Variants in MPC2 observed in about 807,000 individuals in gnomAD.
MPC2 encodes the protein brain protein 44.
Under a neutral mutation model 19.2 loss-of-function variants are expected in MPC2, and 19 were observed. The observed-to-expected ratio is 0.99, with a 90% CI of 0.69 to 1.45. The LOEUF is 1.45. Among genes scored for constraint, MPC2 ranks in the 40% most tolerant of loss-of-function variants. The pLI is 0.00. For synonymous variants in MPC2, 61 were observed against 54.3 expected, an observed-to-expected ratio of 1.12 and a Z score of -0.54; for missense variants, 122 against 153.0, an observed-to-expected ratio of 0.80 and a Z score of 1.07.
At position 167,920,625 on chromosome 1, in the gene MPC2, C is replaced by T; in HGVS notation, c.157G>A (p.Val53Met). The T allele has an allele frequency of 2.5e-6, 4 of 1,613,422 alleles. No homozygotes were observed. Among genetic ancestry groups the T allele is most frequent in the Non-Finnish European group, 3.4e-6 (4 of 1,179,690 alleles). ...FWAPIMKWGL[V>M]CAGLADMARP... ...GCCATATCAGCCAATCCAGCACACA[C>T]CAACCCCTACACATTAACGCATAGA... Residue 53 changes from valine (V) to methionine (M), a missense_variant, in exon 4 of 6, where the codon GTG becomes ATG. Physicochemically the swap from Val to Met is conservative, Grantham distance 21. Transcript: ENST00000271373.
chr1:167,924,723 A>G (rs1372313886), intron 2 of MPC2, among the ~76,000 whole-genome samples, 186 bp from the exon 3 acceptor site: 1 of 152,198 alleles, frequency 6.6e-6, no homozygotes, highest in Non-Finnish European at 1.5e-5. Flanking sequence ...ATCACAGTAC[A>G]GTTGACCCTT....
chr1:167,921,497 C>G (rs751154582), intron 3 of MPC2, among the ~76,000 whole-genome samples: 1 of 152,198 alleles, frequency 6.6e-6, no homozygotes, highest in Non-Finnish European at 1.5e-5. Flanking sequence ...GCTGGGATTA[C>G]AGGTGTGAGC....
At chr1:167,936,217 G>T in intron 1 of MPC2, 1 of 246,258 alleles carries the variant, frequency 4.1e-6, no homozygotes, top group Non-Finnish European at 8.0e-6. Context: ...GGCGCGGGCG[G>T]GGTCGAGCGG....
intron 4 of MPC2, 38 bp from the exon 5 acceptor site, chr1:167,920,128 C>T (rs1302249642): frequency 3.1e-6 from 4 of 1,300,248 alleles, no homozygotes; most frequent in African/African-American, 2.9e-5. Flanking sequence ...AGAATACATA[C>T]TGCTTCAATA....
chr1:167,919,130 T>C (rs1198687299), intron 5 of MPC2, among the ~76,000 whole-genome samples: 1 of 152,106 alleles, frequency 6.6e-6, no homozygotes, highest in East Asian at 1.9e-4. Context: ...TAAAGTAAAA[T>C]ATACTTCTAA....
intron 2 of MPC2, among the ~76,000 whole-genome samples, chr1:167,927,861 G>C (rs777406370): frequency 2.0e-5 from 3 of 152,158 alleles, no homozygotes; most frequent in Non-Finnish European, 4.4e-5. Flanking sequence ...TTTAGTGAGT[G>C]AATAATTTTA....
chr1:167,925,442 CAT>C (rs369657697), intron 2 of MPC2, among the ~76,000 whole-genome samples: 6,860 of 82,406 alleles, frequency 0.083, 275 homozygotes, highest in South Asian at 0.11. Flanking sequence ...TACATATACA[CAT>C]ATATATATAT....
At chr1:167,936,273 G>A (rs962556135) in intron 1 of MPC2, 1 of 207,520 alleles carries the variant, frequency 4.8e-6, no homozygotes. Context: ...GTTGGAGAAG[G>A]GAAAGTGAAG....
At chr1:167,921,558 T>G (rs1670601203) in intron 3 of MPC2, among the ~76,000 whole-genome samples, 2 of 152,156 alleles carry the variant, frequency 1.3e-5, no homozygotes. Context: ...CATCAGCATA[T>G]ACATGGCCAT....
intron 2 of MPC2, among the ~76,000 whole-genome samples, chr1:167,927,911 T>A (rs1670800684): frequency 6.6e-6 from 1 of 152,212 alleles, no homozygotes; most frequent in Non-Finnish European, 1.5e-5. Flanking sequence ...TAACAACTGC[T>A]ATGTACTAAA....
In MPC2 at chr1:167,918,156, G is replaced by T; in HGVS notation, c.*167C>A. ...ATAAGTTCCTTAAGTCATGTAGAGA[G>T]ACTGTTATTAAAAGTTTGCTGCATT... On this transcript the variant is annotated 3_prime_UTR_variant, in exon 6 of 6. Coordinates refer to ENST00000271373, the MANE Select transcript of MPC2 (RefSeq NM_001143674.4). The T allele has an allele frequency of 3.6e-6, 2 of 550,356 alleles. No homozygotes were observed. Among genetic ancestry groups the T allele is most frequent in the Non-Finnish European group, 6.4e-6 (2 of 311,360 alleles). The allele number at this position is 550,356 out of a possible 1,614,324, so 34.1% of individuals were successfully genotyped here.
rs752086894 is a variant in MPC2 at position 167,920,624 on chromosome 1, A to G, written c.158T>C (p.Val53Ala). ...GGCCATATCAGCCAATCCAGCACAC[A>G]CCAACCCCTACACATTAACGCATAG... The part of the protein sequence containing the change: ...FWAPIMKWGL[V>A]CAGLADMARP... Residue 53 changes from valine (V) to alanine (A), a missense_variant, in exon 4 of 6, where the codon GTG becomes GCG. Coordinates refer to ENST00000271373, the MANE Select transcript of MPC2 (RefSeq NM_001143674.4). 6.2e-7 allele frequency: 1 copy of G among 1,613,466 alleles called. No individual in the cohort carries two copies. The highest frequency in any genetic ancestry group is 8.5e-7 in the Non-Finnish European group (1 of 1,179,708).
chr1:167,936,552 G>A (rs1205373684), intron 1 of MPC2: 1 of 281,406 alleles, frequency 3.6e-6, no homozygotes, highest in Non-Finnish European at 6.9e-6. Flanking sequence ...TCCCCAGGGT[G>A]GTCGTCATCT....
At chr1:167,936,575 T>C in intron 1 of MPC2, 1 of 296,488 alleles carries the variant, frequency 3.4e-6, no homozygotes, top group Non-Finnish European at 6.4e-6. Context: ...CGAGAAAGGG[T>C]TGGCGGGGAG....
Position 167,917,456 on chromosome 1 carries a change from G to A in MPC2, c.*867C>T, listed in dbSNP as rs192370215. The A allele has an allele frequency of 6.6e-6, 1 of 152,418 alleles. No homozygotes were observed. Among genetic ancestry groups the A allele is most frequent in the East Asian group, 1.9e-4 (1 of 5,188 alleles). The allele number at this position is 152,418 out of a possible 1,614,324, so 9.4% of individuals were successfully genotyped here. A position where few individuals can be genotyped will look rare whatever the true frequency, so the allele number is the denominator to read the frequency against. Reference sequence around the variant, plus strand: ...TCTACAAAAATACAAAAATTAGCTGGGTGTGGTGGTGTGTGCCTGTAGTCC... The same window carrying A: ...TCTACAAAAATACAAAAATTAGCTGAGTGTGGTGGTGTGTGCCTGTAGTCC... On this transcript the variant is annotated 3_prime_UTR_variant, in exon 6 of 6. Coordinates refer to ENST00000271373, the MANE Select transcript of MPC2 (RefSeq NM_001143674.4).
At chr1:167,936,745 C>A in intron 1 of MPC2, 194 bp downstream of exon 1, 1 of 618,736 alleles carries the variant, frequency 1.6e-6, no homozygotes, top group Non-Finnish European at 2.9e-6. Context: ...TGCGGCCGGG[C>A]TTCAGGGGCC....
At chr1:167,925,456 T>TATATATATATATACATATAC (rs1670718700) in intron 2 of MPC2, among the ~76,000 whole-genome samples, 1 of 111,910 alleles carries the variant, frequency 8.9e-6, no homozygotes, top group African/African-American at 4.1e-5. Flanking sequence ...TATATATATA[T>TATATATATATATACATATAC]ATATATATAT....
At chr1:167,928,635 A>G (rs1204601442) in intron 2 of MPC2, among the ~76,000 whole-genome samples, 1 of 152,256 alleles carries the variant, frequency 6.6e-6, no homozygotes, top group East Asian at 1.9e-4. Flanking sequence ...AAATAGTGAC[A>G]ATACAATGTC....
chr1:167,918,594 CTTT>C (rs200327028), intron 5 of MPC2, among the ~76,000 whole-genome samples: 10 of 133,164 alleles, frequency 7.5e-5, no homozygotes, highest in Admixed American at 7.9e-5. Context: ...CTGCCAAAAA[CTTT>C]TTTTTTTTTT....
Sources: allele counts gnomAD v4.1 joint callset (sites outside exome capture counted in the v4.1 genomes callset), GRCh38; gene constraint gnomAD v4.1.1; transcripts MANE v1.5; gene names NCBI Gene and HGNC (gene_info 2026-07-23, HGNC 2026-07-21).